The following RHBDD1 variants were observed in gnomAD, a reference collection of about 807,000 sequenced individuals.
RHBDD1 encodes rhomboid-related protein 4.
Under a neutral mutation model 36.3 loss-of-function variants are expected in RHBDD1, and 38 were observed. That is an observed-to-expected ratio of 1.05 (90% CI 0.81 to 1.37). The LOEUF is 1.37. Among genes scored for constraint, RHBDD1 ranks in the 40% most tolerant of loss-of-function variants. RHBDD1 has a pLI of 0.00. For missense variants in RHBDD1, 393 were observed against 377.6 expected, an observed-to-expected ratio of 1.04 and a Z score of -0.34; for synonymous variants, 151 against 136.5, an observed-to-expected ratio of 1.11 and a Z score of -0.74.
At chr2:226,905,771 G>T (rs890528519) in intron 5 of RHBDD1, among the ~76,000 whole-genome samples, 1 of 152,204 alleles carries the variant, frequency 6.6e-6, no homozygotes, top group South Asian at 2.1e-4. Context: ...CCAGATGGCA[G>T]TAAGCATGGT....
At chr2:226,970,615 C>T (rs1055166551) in intron 8 of RHBDD1, among the ~76,000 whole-genome samples, 4 of 152,176 alleles carry the variant, frequency 2.6e-5, no homozygotes, top group African/African-American at 9.7e-5. Flanking sequence ...TCAAACATAG[C>T]GAGAGGCACT....
the RHBDD1 span, among the ~76,000 whole-genome samples, chr2:226,800,708 G>A: frequency 6.6e-6 from 1 of 152,166 alleles, no homozygotes; most frequent in Non-Finnish European, 1.5e-5. Flanking sequence ...GGGTTCATAA[G>A]GCCAAAACCC....
At chr2:226,991,633 T>C (rs540396253) in intron 8 of RHBDD1, among the ~76,000 whole-genome samples, 11 of 152,370 alleles carry the variant, frequency 7.2e-5, no homozygotes, top group African/African-American at 2.6e-4. Flanking sequence ...TCATTTTATA[T>C]GCATTATCTC....
chr2:226,986,138 C>G (rs149678943), intron 8 of RHBDD1, among the ~76,000 whole-genome samples: 1 of 152,338 alleles, frequency 6.6e-6, no homozygotes, highest in East Asian at 1.9e-4. Context: ...GAATGAAATT[C>G]TTCACGATAT....
At chr2:226,932,100 A>G (rs1950065887) in intron 8 of RHBDD1, among the ~76,000 whole-genome samples, 2 of 152,052 alleles carry the variant, frequency 1.3e-5, no homozygotes, top group African/African-American at 4.8e-5. Context: ...GAGGTTTGCT[A>G]TTTTAAAAAT....
intron 8 of RHBDD1, among the ~76,000 whole-genome samples, chr2:226,985,409 G>A (rs1466210809): frequency 4.6e-5 from 7 of 152,170 alleles, no homozygotes; most frequent in East Asian, 1.9e-4. Context: ...CCTCTGTAGC[G>A]CCCATCTGTT....
At chr2:226,980,838 G>A (rs1192581061) in intron 8 of RHBDD1, among the ~76,000 whole-genome samples, 1 of 152,160 alleles carries the variant, frequency 6.6e-6, no homozygotes, top group African/African-American at 2.4e-5. Context: ...TTCTTTTTCT[G>A]TTCATAAAAT....
intron 8 of RHBDD1, chr2:226,935,242 A>G (rs1646768590): frequency 6.6e-6 from 1 of 152,120 alleles, no homozygotes; most frequent in South Asian, 2.1e-4. Context: ...TATTAGAAAA[A>G]ATATTTAGAT....
At chr2:226,954,787 A>G (rs1280534882) in intron 8 of RHBDD1, among the ~76,000 whole-genome samples, 1 of 152,154 alleles carries the variant, frequency 6.6e-6, no homozygotes, top group African/African-American at 2.4e-5. Flanking sequence ...AGGTTCACCA[A>G]AGACCTTTCT....
chr2:226,875,942 T>A (rs1559221258), intron 5 of RHBDD1, among the ~76,000 whole-genome samples: 2 of 152,220 alleles, frequency 1.3e-5, no homozygotes, highest in African/African-American at 2.4e-5. Flanking sequence ...TCTGAAAACA[T>A]TGCAGGATGG....
At chr2:226,805,905 G>A in the RHBDD1 span, among the ~76,000 whole-genome samples, 1 of 152,030 alleles carries the variant, frequency 6.6e-6, no homozygotes, top group African/African-American at 2.4e-5. Flanking sequence ...CAATTGCAAG[G>A]CAAATCATCA....
At chr2:226,816,901 C>T in the RHBDD1 span, among the ~76,000 whole-genome samples, 1 of 144,324 alleles carries the variant, frequency 6.9e-6, no homozygotes, top group African/African-American at 2.5e-5. Context: ...CTCAAAAAAA[C>T]CACACACACA....
At chr2:226,956,716 G>A (rs1951812828) in intron 8 of RHBDD1, among the ~76,000 whole-genome samples, 2 of 152,146 alleles carry the variant, frequency 1.3e-5, no homozygotes, top group South Asian at 2.1e-4. Flanking sequence ...GAAACGTTAG[G>A]ACAAATGACA....
chr2:226,995,143 A>C (rs920977073), intron 8 of RHBDD1, among the ~76,000 whole-genome samples: 2 of 152,192 alleles, frequency 1.3e-5, no homozygotes, highest in African/African-American at 2.4e-5. Flanking sequence ...TGTAAGCCTA[A>C]ATGATGCAAA....
chr2:226,828,978 G>A, the RHBDD1 span, among the ~76,000 whole-genome samples: 1 of 152,056 alleles, frequency 6.6e-6, no homozygotes, highest in South Asian at 2.1e-4. Flanking sequence ...AATCTAAGAT[G>A]ACAAAGATTT....
At chr2:226,894,964 A>G (rs1473770621) in intron 5 of RHBDD1, among the ~76,000 whole-genome samples, 2 of 152,186 alleles carry the variant, frequency 1.3e-5, no homozygotes, top group East Asian at 3.9e-4. Context: ...GGCACATACA[A>G]AGTCCTGAAG....
intron 5 of RHBDD1, among the ~76,000 whole-genome samples, chr2:226,875,944 G>T (rs1559221277): frequency 6.6e-6 from 1 of 152,228 alleles, no homozygotes; most frequent in Non-Finnish European, 1.5e-5. Context: ...TGAAAACATT[G>T]CAGGATGGAA....
chr2:226,919,200 C>A (rs914273491), intron 8 of RHBDD1, among the ~76,000 whole-genome samples: 6 of 151,916 alleles, frequency 3.9e-5, no homozygotes, highest in Non-Finnish European at 4.4e-5. Context: ...GCTATTTGAA[C>A]TCCTTATATA....
At chr2:226,816,338 C>T in the RHBDD1 span, among the ~76,000 whole-genome samples, 2 of 139,962 alleles carry the variant, frequency 1.4e-5, no homozygotes, top group African/African-American at 2.8e-5. Flanking sequence ...GAACTGCAAA[C>T]CTGGTTGCAT....
Sources: gnomAD v4.1 joint callset for allele counts (sites outside exome capture counted in the v4.1 genomes callset) on GRCh38, gnomAD v4.1.1 for gene constraint, MANE v1.5 for transcripts, NCBI Gene and HGNC (gene_info 2026-07-23, HGNC 2026-07-21) for gene names.